PTPRT: variants seen among roughly 807,000 people sequenced by gnomAD.
The protein encoded by PTPRT is receptor-type tyrosine-protein phosphatase T.
Under a neutral mutation model 176.8 loss-of-function variants are expected in PTPRT, and 56 were observed. The observed-to-expected ratio is 0.32, with a 90% CI of 0.26 to 0.40. The LOEUF (loss-of-function observed/expected upper bound fraction) is 0.40, where lower values mean the gene tolerates loss of function less well. Ranked by LOEUF, PTPRT falls within the 10% of genes least tolerant of loss-of-function variation. PTPRT has a pLI of 1.00. For synonymous variants in PTPRT, 783 were observed against 739.0 expected (o/e 1.06, Z -0.96); for missense variants, 1,540 against 1,908.2 (o/e 0.81, Z 3.60).
At chr20:42,892,975 G>A (rs973736157) in intron 1 of PTPRT, among the ~76,000 whole-genome samples, 9 of 152,070 alleles carry the variant, frequency 5.9e-5, no homozygotes, top group African/African-American at 2.2e-4. Context: ...GCTTCTCCTG[G>A]GGGCCACGGT....
chr20:42,087,589 A>G (rs1984109733), intron 27 of PTPRT, among the ~76,000 whole-genome samples: 1 of 145,930 alleles, frequency 6.9e-6, no homozygotes, highest in African/African-American at 2.5e-5. Context: ...AGAAGAAGAG[A>G]TGGAGGCTGG....
intron 13 of PTPRT, among the ~76,000 whole-genome samples, chr20:42,277,221 G>C (rs1234821640): frequency 6.6e-6 from 1 of 152,120 alleles, no homozygotes; most frequent in African/African-American, 2.4e-5. Context: ...TCGTTAGAGA[G>C]TGTTTACTAG....
chr20:42,886,448 T>A (rs1025440555), intron 1 of PTPRT, among the ~76,000 whole-genome samples: 1 of 152,068 alleles, frequency 6.6e-6, no homozygotes, highest in African/African-American at 2.4e-5. Flanking sequence ...AGAAATACCA[T>A]GAGGAATAAA....
At chr20:42,699,324 C>T (rs1014686365) in intron 6 of PTPRT, among the ~76,000 whole-genome samples, 2 of 152,056 alleles carry the variant, frequency 1.3e-5, no homozygotes, top group African/African-American at 4.8e-5. Flanking sequence ...CCTTCAAGGC[C>T]CTGTTAATAT....
chr20:43,027,101 G>C (rs937961927), intron 1 of PTPRT, among the ~76,000 whole-genome samples: 1 of 152,130 alleles, frequency 6.6e-6, no homozygotes, highest in South Asian at 2.1e-4. Flanking sequence ...CAGTGGGATC[G>C]CTAGATCATA....
chr20:42,236,374 T>A (rs535483855), intron 14 of PTPRT, 116 bp from the exon 15 acceptor site: 1 of 866,876 alleles, frequency 1.2e-6, no homozygotes, highest in Non-Finnish European at 1.9e-6. Flanking sequence ...ATGCACATAT[T>A]ATTTCAGCAT....
chr20:42,403,224 G>A (rs2058928099), intron 9 of PTPRT, among the ~76,000 whole-genome samples: 1 of 151,664 alleles, frequency 6.6e-6, no homozygotes, highest in Non-Finnish European at 1.5e-5. Flanking sequence ...CTTGATTATT[G>A]AACATCCTTA....
chr20:42,191,621 C>T (rs191869221), intron 16 of PTPRT, among the ~76,000 whole-genome samples: 1 of 152,282 alleles, frequency 6.6e-6, no homozygotes, highest in East Asian at 1.9e-4. Context: ...GACCTGGGCA[C>T]AGAGGTAGCT....
chr20:43,021,337 T>C (rs894690659), intron 1 of PTPRT, among the ~76,000 whole-genome samples: 6 of 152,164 alleles, frequency 3.9e-5, no homozygotes, highest in Non-Finnish European at 7.4e-5. Flanking sequence ...GCAACTGTAA[T>C]AGCTGAGCCT....
At chr20:42,800,884 T>C (rs2077521070) in intron 2 of PTPRT, among the ~76,000 whole-genome samples, 1 of 152,124 alleles carries the variant, frequency 6.6e-6, no homozygotes, top group African/African-American at 2.4e-5. Flanking sequence ...ACATCAAGTA[T>C]TTAAGTCTAC....
intron 1 of PTPRT, among the ~76,000 whole-genome samples, chr20:42,949,689 T>C (rs865966527): frequency 2.6e-5 from 4 of 152,210 alleles, no homozygotes; most frequent in Non-Finnish European, 5.9e-5. Flanking sequence ...CATTAAACAG[T>C]TGTTGGTTTA....
intron 9 of PTPRT, among the ~76,000 whole-genome samples, chr20:42,400,088 C>T (rs2058890466): frequency 6.6e-6 from 1 of 152,156 alleles, no homozygotes; most frequent in South Asian, 2.1e-4. Context: ...TTCTCAGATG[C>T]CTCATGTTGT....
chr20:43,160,777 G>T (rs1276909470), intron 1 of PTPRT, among the ~76,000 whole-genome samples: 3 of 152,040 alleles, frequency 2.0e-5, no homozygotes, highest in African/African-American at 7.3e-5. Context: ...GAAATGAGGG[G>T]TAACACCCAG....
intron 27 of PTPRT, among the ~76,000 whole-genome samples, chr20:42,092,023 C>T (rs2425469): frequency 6.6e-6 from 1 of 152,030 alleles, no homozygotes; most frequent in Non-Finnish European, 1.5e-5. Context: ...TTAAGAAAGA[C>T]GTACTAAGGA....
rs1260763956 is a variant in PTPRT at position 43,028,842 on chromosome 20, G to A, written c.89-142910C>T. ...AGAGGAGAACTGAAATCAGGGCCAC[G>A]GCTAGAGGGAATAAGTGAAATGGAA... On this transcript the variant is annotated intron_variant, in intron 1 of 30. Transcript: ENST00000373187. 2.0e-5 allele frequency among the ~76,000 whole-genome samples: 3 copies of A among 152,316 alleles called. No individual in the cohort carries two copies. The East Asian group carries it at 5.8e-4, about 29-fold the overall frequency.
chr20:42,961,678 G>T (rs1981992324), intron 1 of PTPRT, among the ~76,000 whole-genome samples: 1 of 152,138 alleles, frequency 6.6e-6, no homozygotes, highest in South Asian at 2.1e-4. Context: ...CCAGGGAGGG[G>T]TACTGTGGTC....
chr20:42,631,534 G>C (rs943439792), intron 7 of PTPRT, among the ~76,000 whole-genome samples: 1 of 152,146 alleles, frequency 6.6e-6, no homozygotes, highest in African/African-American at 2.4e-5. Flanking sequence ...AGCAGGAATG[G>C]GGCAGAAATA....
At chr20:42,106,757 GCCAACTGT>G in intron 24 of PTPRT, 21 bp downstream of exon 24, 1 of 1,605,942 alleles carries the variant, frequency 6.2e-7, no homozygotes, top group South Asian at 1.1e-5. Context: ...GCTACAGGTG[GCCAACTGT>G]CTTGGCCCCC....
At chr20:42,562,904 C>T (rs946067222) in intron 7 of PTPRT, among the ~76,000 whole-genome samples, 7 of 152,076 alleles carry the variant, frequency 4.6e-5, no homozygotes, top group African/African-American at 1.4e-4. Flanking sequence ...CCCCTTTATA[C>T]AGAAATATAT....
Sources: gnomAD v4.1 joint callset for allele counts (sites outside exome capture counted in the v4.1 genomes callset) on GRCh38, gnomAD v4.1.1 for gene constraint, MANE v1.5 for transcripts, NCBI Gene and HGNC (gene_info 2026-07-23, HGNC 2026-07-21) for gene names.